The following PLA2R1 variants were observed in gnomAD, a reference collection of about 807,000 sequenced individuals.
PLA2R1 encodes secretory phospholipase A2 receptor.
In PLA2R1, 158 loss-of-function variants were observed where a neutral mutation model predicts 195.9. That is an observed-to-expected ratio of 0.81 (90% confidence interval 0.71 to 0.92). PLA2R1 has a LOEUF of 0.92. PLA2R1 is among the 40% of genes least tolerant of loss of function. The pLI is 0.00. For synonymous variants in PLA2R1, 586 were observed against 598.2 expected (o/e 0.98, Z 0.30); for missense variants, 1,626 against 1,764.6 (o/e 0.92, Z 1.41).
At position 159,935,500 on chromosome 2, in the gene PLA2R1, A is replaced by T. The variant is rs1359152881; in HGVS notation, c.*6278T>A. On this transcript the variant is annotated 3_prime_UTR_variant, in exon 30 of 30. Transcript: ENST00000283243. ...CATCAGTATGGACACACAGATATTT[A>T]TTGTGTGGGTTATAATCCAATATTA... is the stretch of plus-strand genomic sequence containing the variant. 6.6e-6 allele frequency: 1 copy of T among 152,194 alleles called. No homozygotes were observed. The highest frequency in any genetic ancestry group is 1.5e-5 in the Non-Finnish European group (1 of 68,024). 9.4% of individuals were successfully genotyped at this position (152,194 alleles called of 1,614,324 possible). A position where few individuals can be genotyped will look rare whatever the true frequency, so the allele number is the denominator to read the frequency against.
rs1362604611 is a variant in PLA2R1, at chr2:160,016,685, C to T, written c.1480G>A (p.Glu494Lys). The T allele has an allele frequency of 6.2e-7, 1 of 1,604,938 alleles. No homozygotes were observed. Among genetic ancestry groups the T allele is most frequent in the South Asian group, 1.1e-5 (1 of 90,854 alleles). The change falls in exon 9 of 30, where the codon GAA (glutamate) becomes AAA (lysine). Residue 494 changes from glutamate (E) to lysine (K), a missense_variant. Transcript: ENST00000283243. ...TTACAAATGTAAAAAAGTCTTTCTT[C>T]ACAATTTTTGACTTTCCAGTGTCCC... is the stretch of plus-strand genomic sequence containing the variant. The part of the protein sequence containing the change: ...SEGHWKVKNC[E>K]ERLFYICKKA...
intron 17 of PLA2R1, among the ~76,000 whole-genome samples, chr2:159,970,551 T>A (rs1689090113): frequency 6.6e-6 from 1 of 152,238 alleles, no homozygotes; most frequent in African/African-American, 2.4e-5. Flanking sequence ...TCCTCTCAGT[T>A]ATTTACCCTC....
intron 1 of PLA2R1, among the ~76,000 whole-genome samples, chr2:160,053,288 C>G (rs1188731766): frequency 6.6e-6 from 1 of 150,728 alleles, no homozygotes; most frequent in Non-Finnish European, 1.5e-5. Flanking sequence ...CTCATTTTAA[C>G]TTGTTTACCT....
rs1473667069 is a variant in PLA2R1 at position 160,036,174 on chromosome 2, CAT to C, written c.668-3044_668-3043del. Among the ~76,000 whole-genome samples the C allele has an allele frequency of 2.0e-5, 3 of 152,190 alleles. No homozygotes were observed. In the East Asian group the frequency reaches 5.8e-4, roughly 29 times the overall value. ...GTCCATTTCCTATAACTTCCAAATACATAGAGACCATTACATCTACCTACCTA... is the reference window on the plus strand; with the variant it reads ...GTCCATTTCCTATAACTTCCAAATACAGAGACCATTACATCTACCTACCTA... On this transcript the variant is annotated intron_variant, in intron 3 of 29. Coordinates refer to ENST00000283243, the MANE Select transcript of PLA2R1 (RefSeq NM_007366.5).
At chr2:159,965,709 A>G (rs1441845644) in intron 20 of PLA2R1, among the ~76,000 whole-genome samples, 1 of 152,218 alleles carries the variant, frequency 6.6e-6, no homozygotes, top group Non-Finnish European at 1.5e-5. Context: ...GTTTTGTAAG[A>G]AACTGCCAAA....
At chr2:159,978,810 TA>T (rs1689749302) in intron 14 of PLA2R1, among the ~76,000 whole-genome samples, 1 of 152,228 alleles carries the variant, frequency 6.6e-6, no homozygotes, top group Non-Finnish European at 1.5e-5. Context: ...TTCCTTGACA[TA>T]AATTTGAAAA....
downstream of PLA2R1, among the ~76,000 whole-genome samples, chr2:159,928,709 A>G (rs1686532990): frequency 6.6e-6 from 1 of 152,238 alleles, no homozygotes; most frequent in Non-Finnish European, 1.5e-5. Context: ...AGCAAGACTA[A>G]GCAAAAAGAA....
chr2:160,012,334 C>A (rs1451993281), intron 10 of PLA2R1, among the ~76,000 whole-genome samples: 5 of 152,140 alleles, frequency 3.3e-5, no homozygotes, highest in South Asian at 2.1e-4. Flanking sequence ...CCCCACTGTC[C>A]TCCTGGCATC....
At chr2:160,042,571 T>C (rs1694586525) in intron 2 of PLA2R1, among the ~76,000 whole-genome samples, 4 of 152,224 alleles carry the variant, frequency 2.6e-5, no homozygotes, top group African/African-American at 9.6e-5. Flanking sequence ...AATAGATTCA[T>C]AGGCATTTAT....
chr2:159,965,613 G>T (rs1358544685), intron 20 of PLA2R1, among the ~76,000 whole-genome samples: 1 of 152,202 alleles, frequency 6.6e-6, no homozygotes, highest in African/African-American at 2.4e-5. Flanking sequence ...TTCATGGACA[G>T]GTTTTTACAT....
At chr2:160,053,121 T>C (rs1267042582) in intron 1 of PLA2R1, among the ~76,000 whole-genome samples, 1 of 152,132 alleles carries the variant, frequency 6.6e-6, no homozygotes, top group Non-Finnish European at 1.5e-5. Context: ...CCAAGGGCTA[T>C]GAGGGAAGGA....
chr2:160,016,007 GT>G (rs1692717667), intron 9 of PLA2R1, among the ~76,000 whole-genome samples: 1 of 152,220 alleles, frequency 6.6e-6, no homozygotes, highest in African/African-American at 2.4e-5. Flanking sequence ...GCTGAAGCCT[GT>G]AATCCCGGTA....
At chr2:160,042,842 TATGTGTGA>T (rs1343537286) in intron 2 of PLA2R1, among the ~76,000 whole-genome samples, 2 of 48,200 alleles carry the variant, frequency 4.1e-5, no homozygotes, top group Admixed American at 2.1e-4. Flanking sequence ...TGTGTGTGTG[TATGTGTGA>T]GACAGAGGGA....
At chr2:159,945,925 C>T (rs1453933879) in intron 27 of PLA2R1, 20 of 855,070 alleles carry the variant, frequency 2.3e-5, no homozygotes, top group Admixed American at 6.2e-5. Context: ...TATATATAAT[C>T]GATTTAAAGA....
chr2:160,022,712 A>G lies in PLA2R1; in HGVS notation c.1247T>C (p.Ile416Thr), dbSNP rs890036617. 1 of 1,612,788 alleles carries G rather than the reference A, an allele frequency of 6.2e-7. No homozygotes were observed. The highest frequency in any genetic ancestry group is 8.5e-7 in the Non-Finnish European group (1 of 1,179,358). ...AAACTCCACCTCTGCTAATGAGGTTATGTCTATTAATGCACTGTTATCAGC... is the reference window on the plus strand; with the variant it reads ...AAACTCCACCTCTGCTAATGAGGTTGTGTCTATTAATGCACTGTTATCAGC... ...CQADNSALID[I>T]TSLAEVEFLV... Residue 416 changes from isoleucine (I) to threonine (T), a missense_variant, in exon 7 of 30, where the codon ATA (isoleucine) becomes ACA (threonine). Coordinates refer to ENST00000283243, the MANE Select transcript of PLA2R1 (RefSeq NM_007366.5).
At chr2:160,016,837 A>G in intron 8 of PLA2R1, 125 bp from the exon 9 acceptor site, 2 of 607,610 alleles carry the variant, frequency 3.3e-6, no homozygotes, top group South Asian at 4.1e-5. Context: ...TTCAGGCGGC[A>G]CTCTGCTTTG....
At chr2:159,957,293 A>G (rs1025742195) in intron 20 of PLA2R1, among the ~76,000 whole-genome samples, 1 of 152,196 alleles carries the variant, frequency 6.6e-6, no homozygotes, top group Non-Finnish European at 1.5e-5. Flanking sequence ...ATTTGGCAAT[A>G]AAAGTTGAGT....
intron 2 of PLA2R1, among the ~76,000 whole-genome samples, chr2:160,043,924 C>T (rs907206415): frequency 2.6e-5 from 4 of 152,098 alleles, no homozygotes; most frequent in Admixed American, 6.5e-5. Flanking sequence ...CAGAGCAGCA[C>T]GAGGGTAGGG....
chr2:159,966,565 T>A (rs531894903), intron 20 of PLA2R1, among the ~76,000 whole-genome samples: 1 of 152,260 alleles, frequency 6.6e-6, no homozygotes, highest in East Asian at 1.9e-4. Context: ...TTAAAAAAAT[T>A]TAAAAGTCAG....
Sources: allele counts gnomAD v4.1 joint callset (sites outside exome capture counted in the v4.1 genomes callset), GRCh38; gene constraint gnomAD v4.1.1; transcripts MANE v1.5; gene names NCBI Gene and HGNC (gene_info 2026-07-23, HGNC 2026-07-21).